Variants in SPATS2L observed in about 807,000 individuals in gnomAD.
The protein encoded by SPATS2L is SPATS2-like protein.
A neutral mutation model predicts 59.6 loss-of-function variants in SPATS2L; 30 were observed. That is an observed-to-expected ratio of 0.50 (90% confidence interval 0.38 to 0.68). The LOEUF is 0.68. SPATS2L is among the 30% of genes least tolerant of loss of function. SPATS2L has a pLI of 0.00. For synonymous variants in SPATS2L, 252 were observed against 263.5 expected (o/e 0.96, Z 0.42); for missense variants, 615 against 700.0 (o/e 0.88, Z 1.37).
chr2:200,332,785 T>C (rs1391807796), intron 2 of SPATS2L, among the ~76,000 whole-genome samples: 1 of 150,978 alleles, frequency 6.6e-6, no homozygotes, highest in Non-Finnish European at 1.5e-5. Flanking sequence ...TGTGTGTGTG[T>C]GTGTGTGTGT....
At chr2:200,472,663 C>G (rs1197598399) in intron 11 of SPATS2L, among the ~76,000 whole-genome samples, 169 bp from the exon 12 acceptor site, 1 of 152,144 alleles carries the variant, frequency 6.6e-6, no homozygotes, top group African/African-American at 2.4e-5. Context: ...TTTGGTTGTT[C>G]TCTTAAGCAC....
chr2:200,474,840 C>T (rs1371000812), intron 12 of SPATS2L, among the ~76,000 whole-genome samples: 1 of 152,180 alleles, frequency 6.6e-6, no homozygotes, highest in African/African-American at 2.4e-5. Flanking sequence ...GGACCGGGCC[C>T]TGTGTTTTCA....
At chr2:200,320,846 C>T (rs1373422442) in intron 1 of SPATS2L, among the ~76,000 whole-genome samples, 1 of 152,066 alleles carries the variant, frequency 6.6e-6, no homozygotes, top group Non-Finnish European at 1.5e-5. Context: ...AACATGTTCT[C>T]TGCCTTGGAC....
chr2:200,445,246 G>A (rs2084955546), intron 8 of SPATS2L, among the ~76,000 whole-genome samples: 2 of 152,314 alleles, frequency 1.3e-5, no homozygotes, highest in East Asian at 1.9e-4. Flanking sequence ...CTAGGAAGTC[G>A]AGGCTGTGGT....
At chr2:200,374,003 C>T (rs549503878) in intron 2 of SPATS2L, among the ~76,000 whole-genome samples, 2 of 152,264 alleles carry the variant, frequency 1.3e-5, no homozygotes, top group African/African-American at 4.8e-5. Context: ...AGGATATTAC[C>T]TCTAGCTGCA....
At chr2:200,361,908 A>C (rs1367538838) in intron 2 of SPATS2L, among the ~76,000 whole-genome samples, 1 of 152,178 alleles carries the variant, frequency 6.6e-6, no homozygotes, top group Admixed American at 6.5e-5. Flanking sequence ...ACATTTATAC[A>C]TAAGTCTTTT....
intron 2 of SPATS2L, among the ~76,000 whole-genome samples, chr2:200,354,612 A>G (rs2080851935): frequency 6.6e-6 from 1 of 151,876 alleles, no homozygotes; most frequent in African/African-American, 2.4e-5. Context: ...CGTCTCAAAA[A>G]AAAAGAGAAT....
rs1410613718 is a variant in SPATS2L at position 200,412,373 on chromosome 2, A to G, written c.102A>G (p.Gln34=). 1.2e-6 allele frequency: 2 copies of G among 1,609,692 alleles called. No homozygotes were observed. Among genetic ancestry groups the G allele is most frequent in the East Asian group, 2.2e-5 (1 of 44,722 alleles). ...KSNNEIVLVL[Q]QFDFNVDKAV... ...ATAATGAAATAGTCCTGGTGCTCCA[A>G]CAGTTTGATTTTAATGTGGATAAAG... The change falls in exon 4 of 13, where the codon CAA becomes CAG. Residue 34 remains glutamine, a synonymous_variant. Transcript: ENST00000409140.
chr2:200,386,397 A>C (rs2081995544), intron 2 of SPATS2L, among the ~76,000 whole-genome samples: 1 of 152,238 alleles, frequency 6.6e-6, no homozygotes, highest in Admixed American at 6.5e-5. Flanking sequence ...GTCCCAAAGA[A>C]GAGTCTTCCT....
At chr2:200,370,279 G>A (rs532510416) in intron 2 of SPATS2L, among the ~76,000 whole-genome samples, 1 of 152,344 alleles carries the variant, frequency 6.6e-6, no homozygotes, top group South Asian at 2.1e-4. Flanking sequence ...GCAGGACTAA[G>A]TGATTTTCCT....
intron 2 of SPATS2L, among the ~76,000 whole-genome samples, chr2:200,380,388 C>T (rs370796918): frequency 1.6e-4 from 25 of 152,296 alleles, no homozygotes; most frequent in Admixed American, 7.8e-4. Context: ...GTGTGCGCCA[C>T]GCAGATGACT....
intron 3 of SPATS2L, among the ~76,000 whole-genome samples, chr2:200,405,979 TA>T (rs1258105165): frequency 6.6e-6 from 1 of 152,240 alleles, no homozygotes; most frequent in Admixed American, 6.5e-5. Context: ...GAGATGCACT[TA>T]AAAATGGATA....
In SPATS2L at chr2:200,364,476, C is replaced by T. The variant is rs896198464; in HGVS notation, c.-22-24747C>T. Among the ~76,000 whole-genome samples the T allele has an allele frequency of 9.2e-5, 14 of 152,118 alleles. 1 individual carries two copies. The highest frequency in any genetic ancestry group is 5.2e-4 in the Admixed American group (8 of 15,268). On this transcript the variant is annotated intron_variant, in intron 2 of 12. Transcript: ENST00000409140. ...TGCCCTGTTCCCGTGTTTAGGTTGC[C>T]GATGGACTTCTTTCTTAATGTCAGT... is the stretch of plus-strand genomic sequence containing the variant.
chr2:200,472,826 T>G lies in SPATS2L; in HGVS notation c.1061-6T>G. 6.2e-7 allele frequency: 1 copy of G among 1,613,582 alleles called. No homozygotes were observed. Among genetic ancestry groups the G allele is most frequent in the Non-Finnish European group, 8.5e-7 (1 of 1,179,518 alleles). ...GCTCGTAACACTGAGCACTTTATTA[T>G]TGCAGTTACACATCCAAAGAACAAC... On this transcript the variant is annotated splice_region_variant and splice_polypyrimidine_tract_variant and intron_variant, in intron 11 of 12. Coordinates refer to ENST00000409140, the MANE Select transcript of SPATS2L (RefSeq NM_001100423.2).
chr2:200,476,902 T>C (rs1395481900), intron 12 of SPATS2L, among the ~76,000 whole-genome samples: 1 of 152,128 alleles, frequency 6.6e-6, no homozygotes, highest in Non-Finnish European at 1.5e-5. Context: ...TGAAAGTGGC[T>C]CTCAGCAGGA....
At chr2:200,477,533 AAAAAAG>A in intron 12 of SPATS2L, 97 bp from the exon 13 acceptor site, 1 of 723,646 alleles carries the variant, frequency 1.4e-6, no homozygotes, top group Non-Finnish European at 2.0e-6. Context: ...AAAAAAAAAA[AAAAAAG>A]CTTACCTGTG....
chr2:200,319,005 G>C (rs978887628), intron 1 of SPATS2L, among the ~76,000 whole-genome samples: 4 of 152,198 alleles, frequency 2.6e-5, no homozygotes, highest in African/African-American at 9.6e-5. Flanking sequence ...GGTGGACACA[G>C]ATATTTGTAA....
At chr2:200,315,285 A>ACAAT (rs1255627015) in intron 1 of SPATS2L, among the ~76,000 whole-genome samples, 12 of 152,240 alleles carry the variant, frequency 7.9e-5, no homozygotes, top group African/African-American at 2.9e-4. Flanking sequence ...AGTTACATGT[A>ACAAT]CAATGGGCAT....
chr2:200,366,148 T>G (rs1425646760), intron 2 of SPATS2L, among the ~76,000 whole-genome samples: 1 of 152,200 alleles, frequency 6.6e-6, no homozygotes, highest in African/African-American at 2.4e-5. Flanking sequence ...TGCAACTCAT[T>G]AGCTGTCCCA....
Sources: allele counts gnomAD v4.1 joint callset (sites outside exome capture counted in the v4.1 genomes callset), GRCh38; gene constraint gnomAD v4.1.1; transcripts MANE v1.5; gene names NCBI Gene and HGNC (gene_info 2026-07-23, HGNC 2026-07-21).